PIP5K1C: variants seen among roughly 807,000 people sequenced by gnomAD.
PIP5K1C encodes phosphatidylinositol-4-phosphate 5-kinase type 1 gamma, also known as phosphatidylinositol 4-phosphate 5-kinase type-1 gamma.
A neutral mutation model predicts 80.1 loss-of-function variants in PIP5K1C; 45 were observed. The observed-to-expected ratio is 0.56, with a 90% CI of 0.44 to 0.72. The LOEUF (loss-of-function observed/expected upper bound fraction) is 0.72, where lower values mean the gene tolerates loss of function less well. Among genes scored for constraint, PIP5K1C ranks in the 30% least tolerant of loss-of-function variants. The pLI, the probability that PIP5K1C is intolerant of heterozygous loss-of-function variation, is 0.00. For synonymous variants in PIP5K1C, 498 were observed against 420.1 expected (o/e 1.19, Z -2.27); for missense variants, 753 against 954.6 (o/e 0.79, Z 2.78).
intron 8 of PIP5K1C, chr19:3,649,889 G>A (rs543432042): frequency 2.1e-5 from 6 of 286,686 alleles, no homozygotes; most frequent in East Asian, 1.3e-4. Context: ...TGCCCAGCGC[G>A]GTTAGTGAGG....
intron 1 of PIP5K1C, among the ~76,000 whole-genome samples, chr19:3,693,060 G>A (rs2035993007): frequency 6.6e-6 from 1 of 151,992 alleles, no homozygotes; most frequent in African/African-American, 2.4e-5. Flanking sequence ...TGCGTTGCGT[G>A]TTTTGCTTTT....
At chr19:3,656,619 T>A in intron 5 of PIP5K1C, 62 bp from the exon 6 acceptor site, 1 of 1,587,402 alleles carries the variant, frequency 6.3e-7, no homozygotes, top group South Asian at 1.1e-5. Flanking sequence ...CAGCACTGGC[T>A]TCCGGTCTGC....
At chr19:3,642,245 C>T (rs567202310) in intron 14 of PIP5K1C, among the ~76,000 whole-genome samples, 1 of 152,328 alleles carries the variant, frequency 6.6e-6, no homozygotes, top group South Asian at 2.1e-4. Flanking sequence ...TTTCACCAGG[C>T]GGCAGCGATT....
At chr19:3,682,933 C>T (rs923746123) in intron 1 of PIP5K1C, among the ~76,000 whole-genome samples, 3 of 148,214 alleles carry the variant, frequency 2.0e-5, no homozygotes, top group Admixed American at 1.3e-4. Flanking sequence ...AGAACACCTC[C>T]CCTCCTCCCC....
chr19:3,687,168 G>C (rs1411012738), intron 1 of PIP5K1C, among the ~76,000 whole-genome samples: 3 of 152,148 alleles, frequency 2.0e-5, no homozygotes, highest in Non-Finnish European at 4.4e-5. Context: ...ACTCCAGCCT[G>C]GGTGAAAAGA....
At chr19:3,652,522 G>A (rs541308489) in intron 7 of PIP5K1C, among the ~76,000 whole-genome samples, 3 of 152,218 alleles carry the variant, frequency 2.0e-5, no homozygotes, top group Non-Finnish European at 2.9e-5. Flanking sequence ...GGGCCTGGGT[G>A]GAGTTGGGGA....
chr19:3,668,017 AAG>A (rs1264283665), intron 1 of PIP5K1C, among the ~76,000 whole-genome samples: 1 of 152,106 alleles, frequency 6.6e-6, no homozygotes, highest in African/African-American at 2.4e-5. Flanking sequence ...GTGGAAGGGT[AAG>A]AGAGGCTGCG....
chr19:3,640,103 A>C (rs962858848), intron 15 of PIP5K1C, among the ~76,000 whole-genome samples: 3 of 152,242 alleles, frequency 2.0e-5, no homozygotes, highest in Non-Finnish European at 2.9e-5. Flanking sequence ...AGCGCTAAAA[A>C]AGCTCTCTTG....
chr19:3,636,519 T>C, intron 16 of PIP5K1C: 15 of 985,482 alleles, frequency 1.5e-5, no homozygotes, highest in Non-Finnish European at 1.8e-5. Context: ...TCCCTGCCTA[T>C]GGTGGGGTGG....
intron 1 of PIP5K1C, among the ~76,000 whole-genome samples, chr19:3,676,196 G>A (rs998407846): frequency 6.6e-6 from 1 of 152,188 alleles, no homozygotes; most frequent in African/African-American, 2.4e-5. Context: ...GGTAGGCAAT[G>A]GGGTCCCTGT....
intron 1 of PIP5K1C, among the ~76,000 whole-genome samples, chr19:3,676,278 C>G (rs1412552410): frequency 6.6e-6 from 1 of 152,176 alleles, no homozygotes; most frequent in Non-Finnish European, 1.5e-5. Context: ...AGGTACCTGC[C>G]CGGCCCTGCA....
chr19:3,684,813 G>C (rs1268777517), intron 1 of PIP5K1C, among the ~76,000 whole-genome samples: 2 of 152,188 alleles, frequency 1.3e-5, no homozygotes, highest in Admixed American at 6.5e-5. Flanking sequence ...TGAGCACCAG[G>C]ATCTGGTTCC....
chr19:3,667,293 C>CA (rs777381282), intron 2 of PIP5K1C, 29 bp downstream of exon 2: 4 of 1,608,102 alleles, frequency 2.5e-6, no homozygotes, highest in Non-Finnish European at 2.5e-6. Flanking sequence ...GTGGGGACCC[C>CA]AGGCCCTTCG....
intron 3 of PIP5K1C, among the ~76,000 whole-genome samples, chr19:3,663,381 G>A (rs549458934): frequency 5.6e-4 from 85 of 152,328 alleles, no homozygotes; most frequent in African/African-American, 1.9e-3. Context: ...TCCCTCCTAA[G>A]CCACACTCTG....
At chr19:3,697,301 TGGA>T (rs1415475143) in intron 1 of PIP5K1C, among the ~76,000 whole-genome samples, 1 of 100,090 alleles carries the variant, frequency 1.0e-5, no homozygotes, top group African/African-American at 4.0e-5. Flanking sequence ...CCGAGCCGGA[TGGA>T]GGAGGACTGG....
intron 8 of PIP5K1C, 84 bp downstream of exon 8, chr19:3,651,742 T>A: frequency 7.2e-7 from 1 of 1,387,652 alleles, no homozygotes; most frequent in African/African-American, 1.4e-5. Flanking sequence ...TCCCTGCCTG[T>A]TTTCACACTT....
chr19:3,648,364 C>T lies in PIP5K1C; in HGVS notation c.1211+261G>A, dbSNP rs559850426. On this transcript the variant is annotated intron_variant, in intron 9 of 17. Transcript: ENST00000335312. This position sits in a 1 kb window ranked among gnomAD's most constrained non-coding sequence, Gnocchi z 4.3. ...GCGACCAAACACCTTCCCTTTAGGG[C>T]TCAAGAAGGGGCAGCCAAGCAAGAG... Among the ~76,000 whole-genome samples, 6 of 152,320 alleles carry T rather than the reference C, an allele frequency of 3.9e-5. No homozygotes were observed. Among genetic ancestry groups the T allele is most frequent in the African/African-American group, 1.4e-4 (6 of 41,572 alleles).
intron 1 of PIP5K1C, among the ~76,000 whole-genome samples, chr19:3,671,098 G>T (rs2035190773): frequency 6.6e-6 from 1 of 152,224 alleles, no homozygotes; most frequent in African/African-American, 2.4e-5. Context: ...GGTGGGCCGG[G>T]GCGGGACGTT....
intron 16 of PIP5K1C, 90 bp downstream of exon 16, chr19:3,638,794 G>GGT: frequency 1.3e-6 from 2 of 1,528,496 alleles, no homozygotes; most frequent in Non-Finnish European, 1.8e-6. Flanking sequence ...CCTGTGTGCA[G>GGT]GTGTGTGTAT....
Sources: gnomAD v4.1 joint callset for allele counts (sites outside exome capture counted in the v4.1 genomes callset) on GRCh38, gnomAD v4.1.1 for gene constraint, Gnocchi (gnomAD v3.1) non-coding constraint, MANE v1.5 for transcripts, NCBI Gene and HGNC (gene_info 2026-07-23, HGNC 2026-07-21) for gene names.